WDR49: variants seen among roughly 807,000 people sequenced by gnomAD.
The protein encoded by WDR49 is WD repeat domain 49.
In WDR49, 107 loss-of-function variants were observed where a neutral mutation model predicts 119.5. That is an observed-to-expected ratio of 0.90 (90% CI 0.77 to 1.05). The LOEUF (loss-of-function observed/expected upper bound fraction) is 1.05. Among genes scored for constraint, WDR49 ranks in the 50% least tolerant of loss-of-function variants. The pLI, the probability that WDR49 is intolerant of heterozygous loss-of-function variation, is 0.00. For missense variants in WDR49, 1,240 were observed against 1,220.5 expected (o/e 1.02, Z -0.24); for synonymous variants, 425 against 418.8 (o/e 1.01, Z -0.18).
intron 10 of WDR49, among the ~76,000 whole-genome samples, chr3:167,549,818 C>T (rs940183780): frequency 3.0e-4 from 46 of 151,970 alleles, no homozygotes; most frequent in African/African-American, 5.6e-4. Flanking sequence ...AGGATGTTTA[C>T]GGTTTTAGGT....
intron 10 of WDR49, among the ~76,000 whole-genome samples, chr3:167,548,760 G>A (rs1319249062): frequency 1.3e-5 from 2 of 152,050 alleles, no homozygotes; most frequent in African/African-American, 4.8e-5. Flanking sequence ...TGTTACATAT[G>A]TATACATGTG....
intron 5 of WDR49, among the ~76,000 whole-genome samples, chr3:167,618,973 A>T (rs762896529): frequency 2.0e-5 from 3 of 152,146 alleles, no homozygotes; most frequent in Non-Finnish European, 4.4e-5. Flanking sequence ...GAGCTTCCCC[A>T]TTCTCTTCCT....
intron 10 of WDR49, among the ~76,000 whole-genome samples, chr3:167,547,369 T>A (rs1232728653): frequency 6.6e-6 from 1 of 151,934 alleles, no homozygotes; most frequent in East Asian, 1.9e-4. Context: ...ATTGTCAGAA[T>A]CATTTAAAAT....
chr3:167,654,362 G>C (rs182314733), upstream of WDR49, among the ~76,000 whole-genome samples: 2 of 152,096 alleles, frequency 1.3e-5, no homozygotes, highest in East Asian at 3.9e-4. Flanking sequence ...CTTCCAACTT[G>C]TTGAAAATGT....
rs142896809 is a variant in WDR49 at position 167,516,764 on chromosome 3, T to A, written c.2774+5551A>T. ...TTCTGCACAGCAAAAGAAACTACCATCAGAGTGAACAGGCAACCTACAGAA... is the reference window on the plus strand; with the variant it reads ...TTCTGCACAGCAAAAGAAACTACCAACAGAGTGAACAGGCAACCTACAGAA... On this transcript the variant is annotated intron_variant, in intron 16 of 18. Coordinates refer to ENST00000682715, the MANE Select transcript of WDR49 (RefSeq NM_001366157.1). 4.7e-3 allele frequency among the ~76,000 whole-genome samples: 718 copies of A among 152,124 alleles called. 5 individuals are homozygous for A. The highest frequency in any genetic ancestry group is 0.017 in the African/African-American group (695 of 41,506).
chr3:167,505,606 T>C (rs1751739801), intron 16 of WDR49, among the ~76,000 whole-genome samples, 190 bp from the exon 17 acceptor site: 1 of 152,102 alleles, frequency 6.6e-6, no homozygotes, highest in Non-Finnish European at 1.5e-5. Flanking sequence ...GCTAGCCAGG[T>C]GATAATAGAA....
chr3:167,573,467 A>G (rs150456509), intron 8 of WDR49, among the ~76,000 whole-genome samples: 2,145 of 151,876 alleles, frequency 0.014, 41 homozygotes, highest in Non-Finnish European at 0.018. Flanking sequence ...ATACTTATTT[A>G]CCATATTAGA....
chr3:167,653,185 A>G (rs1718469616), intron 2 of WDR49, 76 bp downstream of exon 2: 3 of 1,475,888 alleles, frequency 2.0e-6, no homozygotes. Context: ...ATGCTTAAAG[A>G]AAAATATCTC....
chr3:167,602,124 T>C lies in WDR49; in HGVS notation c.1275+3A>G, dbSNP rs745315260. ...AATTAATTAAAAGCACAATGTTACT[T>C]ACTTTATCCTTGGAGAAGCTGAAAA... On this transcript the variant is annotated splice_donor_region_variant and intron_variant, in intron 7 of 18. Transcript: ENST00000682715. The C allele has an allele frequency of 5.7e-6, 9 of 1,585,418 alleles. No individual in the cohort carries two copies. Among genetic ancestry groups the C allele is most frequent in the Non-Finnish European group, 7.8e-6 (9 of 1,159,262 alleles).
chr3:167,494,349 A>ACGCT (rs1751264190), intron 18 of WDR49, among the ~76,000 whole-genome samples: 1 of 152,318 alleles, frequency 6.6e-6, no homozygotes, highest in East Asian at 1.9e-4. Context: ...AGTTTTCAGA[A>ACGCT]CGCTTTCTAA....
upstream of WDR49, among the ~76,000 whole-genome samples, chr3:167,655,709 C>A (rs1489092732): frequency 6.6e-6 from 1 of 152,182 alleles, no homozygotes; most frequent in Non-Finnish European, 1.5e-5. Context: ...ACCAGCCTGG[C>A]CAACATGGAG....
intron 16 of WDR49, among the ~76,000 whole-genome samples, chr3:167,507,925 G>A (rs1324103649): frequency 6.6e-6 from 1 of 151,558 alleles, no homozygotes; most frequent in Non-Finnish European, 1.5e-5. Context: ...AAGAGGAGAA[G>A]TGATGGATGA....
intron 7 of WDR49, among the ~76,000 whole-genome samples, chr3:167,576,464 C>A (rs1714257895): frequency 6.6e-6 from 1 of 152,128 alleles, no homozygotes. Flanking sequence ...TCCTAATTCC[C>A]AGAACCTGTG....
intron 9 of WDR49, among the ~76,000 whole-genome samples, chr3:167,556,058 G>A (rs573696078): frequency 4.0e-4 from 61 of 152,146 alleles, no homozygotes; most frequent in African/African-American, 1.4e-3. Context: ...TAATCTTAAG[G>A]GACCACCATC....
intron 8 of WDR49, among the ~76,000 whole-genome samples, chr3:167,563,279 G>A (rs901312324): frequency 6.6e-6 from 1 of 150,976 alleles, no homozygotes; most frequent in African/African-American, 2.4e-5. Flanking sequence ...GCGTGAACCC[G>A]GGAGGCGGAG....
At chr3:167,620,131 C>A (rs7632157) in intron 5 of WDR49, among the ~76,000 whole-genome samples, 41,132 of 151,934 alleles carry the variant, frequency 0.27, 5,876 homozygotes, top group African/African-American at 0.35. Flanking sequence ...ATTAGCTAGG[C>A]TCAGAGTTGA....
rs1228721074 is a variant in WDR49 at position 167,529,234 on chromosome 3, C to A, written c.2224G>T (p.Ala742Ser). The A allele has an allele frequency of 1.3e-6, 2 of 1,579,910 alleles. No homozygotes were observed. The highest frequency in any genetic ancestry group is 8.6e-7 in the Non-Finnish European group (1 of 1,168,796). ...GATCCTCCACATGATACCAGGTTAGCTCCTCCTAACATGTAAGGGAAAAAT... is the reference window on the plus strand; with the variant it reads ...GATCCTCCACATGATACCAGGTTAGATCCTCCTAACATGTAAGGGAAAAAT... ...ARKNTAVTGG[A>S]NLVSCGGSGY... Residue 742 changes from alanine (A) to serine (S), a missense_variant, in exon 14 of 19, where the codon GCT becomes TCT. By Grantham distance (99) the Ala-to-Ser change is moderately conservative (BLOSUM62 1). Transcript: ENST00000682715.
chr3:167,652,549 TA>T (rs1312209307), intron 2 of WDR49, among the ~76,000 whole-genome samples: 1 of 152,198 alleles, frequency 6.6e-6, no homozygotes, highest in Non-Finnish European at 1.5e-5. Flanking sequence ...TATTTGAAAC[TA>T]AAAACCACTT....
At chr3:167,487,431 A>G (rs2108194408) in intron 18 of WDR49, among the ~76,000 whole-genome samples, 1 of 152,270 alleles carries the variant, frequency 6.6e-6, no homozygotes, top group African/African-American at 2.4e-5. Flanking sequence ...AAATTCTGGA[A>G]GAAAATCTAG....
Sources: gnomAD v4.1 joint callset for allele counts (sites outside exome capture counted in the v4.1 genomes callset) on GRCh38, gnomAD v4.1.1 for gene constraint, MANE v1.5 for transcripts, NCBI Gene and HGNC (gene_info 2026-07-23, HGNC 2026-07-21) for gene names.